The following IMPG1 variants were observed in gnomAD, a reference collection of about 807,000 sequenced individuals.
IMPG1 encodes the protein interphotoreceptor matrix proteoglycan 1.
A neutral mutation model predicts 92.0 loss-of-function variants in IMPG1; 85 were observed. The ratio of observed to expected loss-of-function variants is 0.92; its 90% confidence interval spans 0.78 to 1.11. The LOEUF is 1.11. Ranked by LOEUF, IMPG1 falls within the 50% of genes least tolerant of loss-of-function variation. The probability of loss-of-function intolerance (pLI) is 0.00; values close to 1 mark genes in which losing one functional copy is unlikely to be tolerated. For synonymous variants in IMPG1, 367 were observed against 334.1 expected (o/e 1.10, Z -1.08); for missense variants, 1,022 against 956.0 (o/e 1.07, Z -0.91).
At chr6:76,015,078 T>C (rs970024461) in intron 7 of IMPG1, among the ~76,000 whole-genome samples, 4 of 152,246 alleles carry the variant, frequency 2.6e-5, no homozygotes, top group Non-Finnish European at 5.9e-5. Flanking sequence ...TGCTGGAATG[T>C]ATGTTAACTG....
At chr6:75,958,503 C>T (rs1782164756) in intron 12 of IMPG1, among the ~76,000 whole-genome samples, 1 of 152,128 alleles carries the variant, frequency 6.6e-6, no homozygotes, top group South Asian at 2.1e-4. Context: ...TCCATTCGCC[C>T]CCTGCATCAC....
At chr6:76,059,866 G>A (rs1784176267) in intron 1 of IMPG1, among the ~76,000 whole-genome samples, 1 of 152,090 alleles carries the variant, frequency 6.6e-6, no homozygotes, top group Non-Finnish European at 1.5e-5. Flanking sequence ...AACTGATCTG[G>A]GTACAATGGG....
intron 12 of IMPG1, among the ~76,000 whole-genome samples, chr6:75,979,341 T>C (rs909822227): frequency 2.6e-5 from 4 of 152,146 alleles, no homozygotes; most frequent in African/African-American, 9.7e-5. Flanking sequence ...CCAATATATG[T>C]TGTGTAGAGG....
chr6:75,976,536 G>T (rs1157530356), intron 12 of IMPG1, among the ~76,000 whole-genome samples: 1 of 152,050 alleles, frequency 6.6e-6, no homozygotes, highest in African/African-American at 2.4e-5. Flanking sequence ...ACTCCAGCCT[G>T]GGCGACAGAG....
intron 12 of IMPG1, among the ~76,000 whole-genome samples, chr6:75,973,440 T>G (rs978502832): frequency 1.2e-4 from 18 of 152,252 alleles, no homozygotes; most frequent in Admixed American, 3.3e-4. Flanking sequence ...TATTGCCTGT[T>G]GACTTTGTGT....
intron 2 of IMPG1, among the ~76,000 whole-genome samples, chr6:76,036,616 C>A (rs961424127): frequency 1.4e-4 from 22 of 151,932 alleles, no homozygotes; most frequent in Non-Finnish European, 2.8e-4. Context: ...TATTTTAGAG[C>A]AATCAATAAC....
intron 16 of IMPG1, 67 bp downstream of exon 16, chr6:75,923,563 CATAA>C (rs1233052139): frequency 1.5e-5 from 11 of 747,414 alleles, no homozygotes; most frequent in Non-Finnish European, 9.5e-6. Context: ...ATAAGAGGGA[CATAA>C]ATGTTTTTAA....
intron 14 of IMPG1, among the ~76,000 whole-genome samples, chr6:75,938,874 C>A (rs913498890): frequency 6.6e-6 from 1 of 151,818 alleles, no homozygotes; most frequent in Non-Finnish European, 1.5e-5. Flanking sequence ...ACCAAGACAG[C>A]CTTAATATTC....
At chr6:76,063,007 C>A in intron 1 of IMPG1, among the ~76,000 whole-genome samples, 1 of 151,788 alleles carries the variant, frequency 6.6e-6, no homozygotes, top group East Asian at 1.9e-4. Context: ...AGTTCGAGAC[C>A]AGCCTGGCCA....
chr6:76,030,210 A>G (rs1405023412), intron 4 of IMPG1, among the ~76,000 whole-genome samples: 1 of 152,054 alleles, frequency 6.6e-6, no homozygotes, highest in Non-Finnish European at 1.5e-5. Context: ...CTTATTCTCT[A>G]AGGCCCTCCC....
At chr6:75,925,290 T>C (rs889059131) in intron 15 of IMPG1, among the ~76,000 whole-genome samples, 26 of 152,334 alleles carry the variant, frequency 1.7e-4, no homozygotes, top group African/African-American at 6.0e-4. Context: ...TAGACCTTTC[T>C]ATATACATAA....
chr6:75,979,402 GA>G (rs753245426), intron 12 of IMPG1, among the ~76,000 whole-genome samples: 3 of 152,186 alleles, frequency 2.0e-5, no homozygotes, highest in Non-Finnish European at 4.4e-5. Flanking sequence ...TGGCAGTGCT[GA>G]ACCTTTGTGA....
rs75683225 is a variant in IMPG1 at position 76,058,784 on chromosome 6, A to G, written c.67+13638T>C. On this transcript the variant is annotated intron_variant, in intron 1 of 16. Coordinates refer to ENST00000369950, the MANE Select transcript of IMPG1 (RefSeq NM_001563.4). ...GGCCTAGCTAACTTTATAGTGCAGG[A>G]ACTTGTTTTGTGGCAACACTCCGTT... 6.0e-3 allele frequency among the ~76,000 whole-genome samples: 907 copies of G among 152,294 alleles called. 8 individuals carry two copies. The highest frequency in any genetic ancestry group is 0.021 in the African/African-American group (853 of 41,572).
At chr6:76,035,852 A>T (rs1453906673) in intron 2 of IMPG1, among the ~76,000 whole-genome samples, 1 of 152,196 alleles carries the variant, frequency 6.6e-6, no homozygotes, top group African/African-American at 2.4e-5. Flanking sequence ...AGTTTGAGAA[A>T]GGGAGTGAAC....
chr6:76,066,057 A>G (rs769444739), intron 1 of IMPG1, among the ~76,000 whole-genome samples: 14 of 152,134 alleles, frequency 9.2e-5, no homozygotes, highest in Non-Finnish European at 2.1e-4. Context: ...GACCACCCCT[A>G]TGAGAAATGC....
At chr6:76,065,107 A>G (rs1437907424) in intron 1 of IMPG1, among the ~76,000 whole-genome samples, 1 of 152,104 alleles carries the variant, frequency 6.6e-6, no homozygotes, top group African/African-American at 2.4e-5. Flanking sequence ...TCCAAATGCA[A>G]ATAAATTCAA....
At chr6:75,924,629 T>TATATATAATATATA (rs1781503472) in intron 15 of IMPG1, among the ~76,000 whole-genome samples, 1 of 22,290 alleles carries the variant, frequency 4.5e-5, no homozygotes, top group Non-Finnish European at 7.1e-5. Context: ...TATAATAAAT[T>TATATATAATATATA]ATATATTATA....
intron 12 of IMPG1, among the ~76,000 whole-genome samples, chr6:75,989,679 C>T (rs1265428526): frequency 6.6e-6 from 1 of 152,060 alleles, no homozygotes; most frequent in Non-Finnish European, 1.5e-5. Flanking sequence ...CCTGTCTCTG[C>T]TAAAAATACA....
intron 3 of IMPG1, 37 bp from the exon 4 acceptor site, chr6:76,034,380 G>C: frequency 6.3e-7 from 1 of 1,579,272 alleles, no homozygotes; most frequent in Non-Finnish European, 8.7e-7. Flanking sequence ...ATTTTACCAG[G>C]AGATAATGCC....
Sources: gnomAD v4.1 joint callset for allele counts (sites outside exome capture counted in the v4.1 genomes callset) on GRCh38, gnomAD v4.1.1 for gene constraint, MANE v1.5 for transcripts, NCBI Gene and HGNC (gene_info 2026-07-23, HGNC 2026-07-21) for gene names.